The following ATP7B variants were observed in gnomAD, a reference collection of about 807,000 sequenced individuals.
ATP7B encodes the protein copper-transporting ATPase 2.
In ATP7B, 113 loss-of-function variants were observed where a neutral mutation model predicts 118.9. The observed-to-expected ratio is 0.95, with a 90% CI of 0.82 to 1.11. The LOEUF (loss-of-function observed/expected upper bound fraction) is 1.11. Ranked by LOEUF, ATP7B falls within the 50% of genes most tolerant of loss-of-function variation. The probability of loss-of-function intolerance (pLI) is 0.00; values close to 1 mark genes in which losing one functional copy is unlikely to be tolerated. For synonymous variants in ATP7B, 777 were observed against 727.4 expected (o/e 1.07, Z -1.10); for missense variants, 1,867 against 1,871.4 (o/e 1.00, Z 0.04).
Position 51,970,452 on chromosome 13 carries a change from C to T in ATP7B, c.1543+40G>A, listed in dbSNP as rs747219377. The T allele has an allele frequency of 1.5e-4, 234 of 1,613,578 alleles. 1 individual carries two copies. The East Asian group carries it at 4.7e-3, about 32-fold the overall frequency. ...CTGAAGGGAGAATACGAGGTCTATA[C>T]GCAGCATTCCTAAGTTCAACATGGG... On this transcript the variant is annotated intron_variant, in intron 3 of 20. Transcript: ENST00000242839.
intron 5 of ATP7B, among the ~76,000 whole-genome samples, chr13:51,962,520 C>T (rs1161750810): frequency 6.6e-6 from 1 of 152,226 alleles, no homozygotes; most frequent in Non-Finnish European, 1.5e-5. Context: ...GCCACGAATG[C>T]TCTTGTCTGG....
At chr13:51,968,139 C>T (rs1305017408) in intron 4 of ATP7B, among the ~76,000 whole-genome samples, 1 of 152,160 alleles carries the variant, frequency 6.6e-6, no homozygotes, top group Middle Eastern at 3.2e-3. Flanking sequence ...AACCACCCAG[C>T]TCAGGGCAGT....
At chr13:51,966,699 C>T (rs374216888) in intron 4 of ATP7B, 13 of 1,493,966 alleles carry the variant, frequency 8.7e-6, no homozygotes, top group African/African-American at 4.1e-5. Context: ...GCTGCCATGC[C>T]GACGTAGACC....
intron 1 of ATP7B, among the ~76,000 whole-genome samples, chr13:52,008,895 G>A (rs966012552): frequency 3.3e-5 from 5 of 151,070 alleles, no homozygotes; most frequent in African/African-American, 1.2e-4. Context: ...TTTTTTTTGA[G>A]ACAGGATCTT....
intron 17 of ATP7B, 124 bp downstream of exon 17, chr13:51,938,927 A>G: frequency 6.8e-7 from 1 of 1,476,878 alleles, no homozygotes; most frequent in South Asian, 1.2e-5. Context: ...ACACGTGGAG[A>G]GAAAAGCATC....
At position 51,935,608 on chromosome 13, in the gene ATP7B, G is replaced by A; in HGVS notation, c.4109C>T (p.Ser1370Phe). 1 of 1,613,610 alleles carries A rather than the reference G, an allele frequency of 6.2e-7. No individual in the cohort carries two copies. The highest frequency in any genetic ancestry group is 8.5e-7 in the Non-Finnish European group (1 of 1,179,876). ...GGGGACTCACCACTTGAGCTGCAGGGATGAGAGCACCACAGACACAGAGGA... is the reference window on the plus strand; with the variant it reads ...GGGGACTCACCACTTGAGCTGCAGGAATGAGAGCACCACAGACACAGAGGA... Reference protein sequence around the residue: ...AASSVSVVLSSLQLKCYKKPD... With the variant: ...AASSVSVVLSFLQLKCYKKPD... The change falls in exon 20 of 21, where the codon TCC becomes TTC. Residue 1370 changes from serine (S) to phenylalanine (F), a missense_variant. By Grantham distance (155) the Ser-to-Phe change is radical. Coordinates refer to ENST00000242839, the MANE Select transcript of ATP7B (RefSeq NM_000053.4).
intron 9 of ATP7B, 143 bp downstream of exon 9, chr13:51,957,373 G>A: frequency 1.1e-6 from 1 of 870,092 alleles, no homozygotes; most frequent in East Asian, 2.7e-5. Flanking sequence ...TGCTTTCGTA[G>A]CTGGATTGAG....
chr13:51,942,446 G>A lies in ATP7B; in HGVS notation c.3352C>T (p.Arg1118Cys), dbSNP rs545284208. 16 of 1,614,192 alleles carry A rather than the reference G, an allele frequency of 9.9e-6. No homozygotes were observed. The highest frequency in any genetic ancestry group is 1.7e-4 in the Middle Eastern group (1 of 6,060). ...NVEGILAHSE[R>C]PLSAPASHLN... ...TGACTGGCCGGTGCACTCAAAGGGC[G>A]CTCACTGTGGGCCAGGATGCCTTCC... Residue 1118 changes from arginine (R) to cysteine (C), a missense_variant, in exon 15 of 21, where the codon CGC becomes TGC. By Grantham distance (180) the Arg-to-Cys change is radical (BLOSUM62 -3). Coordinates refer to ENST00000242839, the MANE Select transcript of ATP7B (RefSeq NM_000053.4).
chr13:51,971,099 A>G (rs1346900194), intron 2 of ATP7B, among the ~76,000 whole-genome samples: 2 of 152,214 alleles, frequency 1.3e-5, no homozygotes, highest in Non-Finnish European at 2.9e-5. Flanking sequence ...ATTGAGTCCA[A>G]GGAGAAACAA....
intron 5 of ATP7B, among the ~76,000 whole-genome samples, chr13:51,964,041 ACT>A (rs1439201665): frequency 7.3e-5 from 11 of 151,648 alleles, no homozygotes; most frequent in Admixed American, 7.2e-4. Flanking sequence ...ACAGAATGAG[ACT>A]CTGTCAAAAA....
At chr13:51,978,834 G>A (rs1302491886) in intron 1 of ATP7B, 3 of 152,206 alleles carry the variant, frequency 2.0e-5, no homozygotes, top group Non-Finnish European at 4.4e-5. Context: ...TTTCAATTCG[G>A]ACAGGGCTTG....
At chr13:51,970,312 A>T (rs573004233) in intron 3 of ATP7B, among the ~76,000 whole-genome samples, 180 bp downstream of exon 3, 3 of 152,320 alleles carry the variant, frequency 2.0e-5, no homozygotes, top group African/African-American at 7.2e-5. Context: ...CAAACTAAAT[A>T]CTTCTTAAAG....
Position 51,937,489 on chromosome 13 carries a change from A to G in ATP7B, c.3890T>C (p.Val1297Ala). ...AGCCACGCTCACTCTGATAAGGACGACGTCGGCTGCCTCGATGGCCACATC... is the reference window on the plus strand; with the variant it reads ...AGCCACGCTCACTCTGATAAGGACGGCGTCGGCTGCCTCGATGGCCACATC... ...GTDVAIEAAD[V>A]VLIRNDLLDV... The change falls in exon 18 of 21, where the codon GTC becomes GCC. Residue 1297 changes from valine to alanine, a missense_variant. Coordinates refer to ENST00000242839, the MANE Select transcript of ATP7B (RefSeq NM_000053.4). 6.2e-7 allele frequency: 1 copy of G among 1,614,090 alleles called. No homozygotes were observed. The highest frequency in any genetic ancestry group is 8.5e-7 in the Non-Finnish European group (1 of 1,180,012).
intron 6 of ATP7B, among the ~76,000 whole-genome samples, chr13:51,961,081 T>C (rs780456083): frequency 5.3e-5 from 8 of 151,880 alleles, no homozygotes; most frequent in African/African-American, 1.2e-4. Flanking sequence ...GCCACAGCAG[T>C]CCCCAAGGGT....
intron 1 of ATP7B, among the ~76,000 whole-genome samples, chr13:51,987,802 A>T (rs186314114): frequency 3.3e-4 from 50 of 152,086 alleles, no homozygotes; most frequent in African/African-American, 1.1e-3. Flanking sequence ...GACAAAAGCA[A>T]TGGGGAAAGG....
At chr13:52,003,066 C>T (rs1953593752) in intron 1 of ATP7B, among the ~76,000 whole-genome samples, 1 of 152,162 alleles carries the variant, frequency 6.6e-6, no homozygotes, top group Non-Finnish European at 1.5e-5. Context: ...AGCAGTAAGG[C>T]TGTTTTGCTT....
chr13:51,964,994 C>CT lies in ATP7B; in HGVS notation c.1746dup (p.Glu583ArgfsTer25), dbSNP rs1566559605. 16 of 1,614,006 alleles carry CT rather than the reference C, an allele frequency of 9.9e-6. No homozygotes were observed. In the South Asian group the frequency reaches 1.5e-4, roughly 16 times the overall value. On this transcript the variant is annotated frameshift_variant, in exon 5 of 21. Transcript: ENST00000242839. LOFTEE classifies it high-confidence loss of function. Reference sequence around the variant, plus strand: ...CCATTTGTCCTCGTGAGTTTGGACTCTATGTTGTGGACACAGGACGCGCAG... The same window carrying CT: ...CCATTTGTCCTCGTGAGTTTGGACTCTTATGTTGTGGACACAGGACGCGCAG...
intron 1 of ATP7B, 79 bp downstream of exon 1, chr13:52,011,208 A>G (rs1954017342): frequency 6.2e-7 from 1 of 1,609,764 alleles, no homozygotes; most frequent in East Asian, 2.2e-5. Flanking sequence ...CCTGGGGGCG[A>G]GTAAGCGCCG....
Position 51,964,949 on chromosome 13 carries a change from C to T in ATP7B, c.1792G>A (p.Ala598Thr). Residue 598 changes from alanine to threonine, a missense_variant, in exon 5 of 21, where the codon GCC becomes ACC. Physicochemically the swap from Ala to Thr is moderately conservative, Grantham distance 58 (BLOSUM62 0). Coordinates refer to ENST00000242839, the MANE Select transcript of ATP7B (RefSeq NM_000053.4). ...RTNGITYASV[A>T]LATSKALVKF... ...ACAAGGGCTTTGCTGGTGGCAAGGG[C>T]AACGGAGGCATAAGTGATGCCATTT... 1 of 1,614,126 alleles carries T rather than the reference C, an allele frequency of 6.2e-7. No individual in the cohort carries two copies. The highest frequency in any genetic ancestry group is 8.5e-7 in the Non-Finnish European group (1 of 1,180,026).
Sources: gnomAD v4.1 joint callset for allele counts (sites outside exome capture counted in the v4.1 genomes callset) on GRCh38, gnomAD v4.1.1 for gene constraint, MANE v1.5 for transcripts, NCBI Gene and HGNC (gene_info 2026-07-23, HGNC 2026-07-21) for gene names.